The following TTLL5 variants were observed in gnomAD, a reference collection of about 807,000 sequenced individuals.
TTLL5 encodes the protein tubulin polyglutamylase TTLL5.
In TTLL5, 132 loss-of-function variants were observed where a neutral mutation model predicts 168.4. The ratio of observed to expected loss-of-function variants is 0.78; its 90% CI spans 0.68 to 0.91. The LOEUF (loss-of-function observed/expected upper bound fraction) is 0.91. TTLL5 is among the 40% of genes least tolerant of loss of function. The pLI is 0.00. For synonymous variants in TTLL5, 546 were observed against 558.6 expected, an observed-to-expected ratio of 0.98 and a Z score of 0.32; for missense variants, 1,545 against 1,581.5, an observed-to-expected ratio of 0.98 and a Z score of 0.39.
In TTLL5 at chr14:75,775,508, C is replaced by T. The variant is rs2079169117; in HGVS notation, c.2161C>T (p.Arg721Ter). 1.9e-6 allele frequency: 3 copies of T among 1,613,832 alleles called. No homozygotes were observed. Among genetic ancestry groups the T allele is most frequent in the Non-Finnish European group, 2.5e-6 (3 of 1,179,914 alleles). Residue 721 changes from arginine to a stop codon, truncating the protein, a stop_gained, in exon 22 of 32, where the codon CGA becomes TGA. Transcript: ENST00000298832. LOFTEE classifies it high-confidence loss of function. ...GGAGCTGGTTGTTCGTTTCCTCAAG[C>T]GAGCATCAAATAACCTCCAGCATTC... The part of the protein sequence containing the change: ...QMELVVRFLK[R>*]ASNNLQHSLR...
intron 28 of TTLL5, among the ~76,000 whole-genome samples, chr14:75,824,172 G>A (rs1193139811): frequency 1.3e-5 from 2 of 152,172 alleles, no homozygotes; most frequent in Admixed American, 6.6e-5. Flanking sequence ...AAATAAAACA[G>A]AATGGTTCCC....
At chr14:75,953,830 A>C (rs1056561110) in intron 31 of TTLL5, among the ~76,000 whole-genome samples, 14 of 152,194 alleles carry the variant, frequency 9.2e-5, no homozygotes, top group African/African-American at 3.4e-4. Context: ...AGCATTTTTT[A>C]ATTTGAAAAG....
At chr14:75,685,209 C>A (rs923892498) in intron 5 of TTLL5, among the ~76,000 whole-genome samples, 2 of 151,504 alleles carry the variant, frequency 1.3e-5, no homozygotes, top group African/African-American at 4.9e-5. Context: ...ATGGCAAAAC[C>A]CCGGCTCTAA....
intron 31 of TTLL5, among the ~76,000 whole-genome samples, chr14:75,921,923 C>T (rs2033839372): frequency 1.3e-5 from 2 of 152,184 alleles, no homozygotes; most frequent in African/African-American, 2.4e-5. Context: ...TTGTAGTTCT[C>T]CTCGAAGAGG....
chr14:75,716,073 A>G (rs532636155), intron 9 of TTLL5, among the ~76,000 whole-genome samples: 2 of 152,324 alleles, frequency 1.3e-5, no homozygotes, highest in African/African-American at 4.8e-5. Flanking sequence ...TGAGGCAGGC[A>G]GCCAGCACGG....
At chr14:75,794,992 A>G (rs573235161) in intron 27 of TTLL5, among the ~76,000 whole-genome samples, 2 of 152,064 alleles carry the variant, frequency 1.3e-5, no homozygotes, top group Non-Finnish European at 2.9e-5. Flanking sequence ...AGTTCACCCC[A>G]CTGTTCTCCT....
intron 9 of TTLL5, chr14:75,710,099 TAG>T (rs1457236146): frequency 6.6e-6 from 1 of 152,126 alleles, no homozygotes; most frequent in Non-Finnish European, 1.5e-5. Context: ...ACTTTGGGAA[TAG>T]AGAAAAGAGA....
chr14:75,887,487 T>G (rs1454470089), intron 30 of TTLL5, among the ~76,000 whole-genome samples: 2 of 152,202 alleles, frequency 1.3e-5, no homozygotes, highest in Non-Finnish European at 2.9e-5. Flanking sequence ...CTATAACATA[T>G]TCATCCTTAA....
At position 75,717,876 on chromosome 14, in the gene TTLL5, A is replaced by G. The variant is rs374729551; in HGVS notation, c.756A>G (p.Arg252=). The change falls in exon 10 of 32, where the codon CGA becomes CGG. Residue 252 remains arginine, a synonymous_variant. Coordinates refer to ENST00000298832, the MANE Select transcript of TTLL5 (RefSeq NM_015072.5). ...CTTCTATCAGGTTTGCAACTGTGCG[A>G]TATGATCAAGGAGCCAAGAACATTC... The part of the protein sequence containing the change: ...EEGLARFATV[R]YDQGAKNIRN... The G allele has an allele frequency of 1.2e-4, 201 of 1,613,678 alleles. No homozygotes were observed. Among genetic ancestry groups the G allele is most frequent in the Non-Finnish European group, 1.6e-4 (183 of 1,179,890 alleles).
At chr14:75,808,864 G>A (rs1450405197) in intron 27 of TTLL5, among the ~76,000 whole-genome samples, 1 of 151,888 alleles carries the variant, frequency 6.6e-6, no homozygotes, top group African/African-American at 2.4e-5. Context: ...GGGCTCAAGT[G>A]ATCCTCCTGC....
At chr14:75,666,609 A>G (rs977082117) in intron 2 of TTLL5, among the ~76,000 whole-genome samples, 5 of 152,216 alleles carry the variant, frequency 3.3e-5, no homozygotes, top group Non-Finnish European at 7.4e-5. Flanking sequence ...AATGGGCTGA[A>G]GGAGCTGGGG....
chr14:75,778,476 G>A (rs1032318954), intron 23 of TTLL5, among the ~76,000 whole-genome samples: 11 of 152,196 alleles, frequency 7.2e-5, no homozygotes, highest in Admixed American at 1.3e-4. Flanking sequence ...ACAGGCAAAG[G>A]TTTGCACCCT....
At chr14:75,914,646 C>T (rs1445741405) in intron 31 of TTLL5, among the ~76,000 whole-genome samples, 4 of 112,826 alleles carry the variant, frequency 3.5e-5, no homozygotes, top group East Asian at 5.4e-4. Context: ...TTTTTTGAGA[C>T]GGAGTCTTGC....
chr14:75,821,787 C>CT (rs1393182909), intron 28 of TTLL5, among the ~76,000 whole-genome samples: 1 of 152,160 alleles, frequency 6.6e-6, no homozygotes, highest in African/African-American at 2.4e-5. Context: ...TGCGATAATG[C>CT]TCATGGTGCA....
chr14:75,853,166 C>G (rs1045753451), intron 28 of TTLL5, among the ~76,000 whole-genome samples: 2 of 152,170 alleles, frequency 1.3e-5, no homozygotes, highest in African/African-American at 4.8e-5. Context: ...TTCTTTCTGC[C>G]CTTCATCCAC....
chr14:75,668,242 A>G (rs1210889345), intron 2 of TTLL5, among the ~76,000 whole-genome samples: 1 of 152,232 alleles, frequency 6.6e-6, no homozygotes, highest in East Asian at 1.9e-4. Flanking sequence ...AATTCAAGGT[A>G]TCCAATATAT....
At chr14:75,843,815 T>C (rs1896385978) in intron 28 of TTLL5, among the ~76,000 whole-genome samples, 2 of 152,102 alleles carry the variant, frequency 1.3e-5, no homozygotes, top group Admixed American at 1.3e-4. Context: ...TTAGAAGTCA[T>C]CTTTGGGATG....
At chr14:75,865,376 G>A (rs2030429824) in intron 29 of TTLL5, among the ~76,000 whole-genome samples, 2 of 152,044 alleles carry the variant, frequency 1.3e-5, no homozygotes, top group African/African-American at 4.8e-5. Context: ...CTGGATAGTG[G>A]AAGTATCACT....
chr14:75,775,481 T>C lies in TTLL5; in HGVS notation c.2137-3T>C. 1 of 1,613,584 alleles carries C rather than the reference T, an allele frequency of 6.2e-7. No homozygotes were observed. The highest frequency in any genetic ancestry group is 8.5e-7 in the Non-Finnish European group (1 of 1,179,776). On this transcript the variant is annotated splice_region_variant and splice_polypyrimidine_tract_variant and intron_variant, in intron 21 of 31. Transcript: ENST00000298832. ...TTTTCTCCCACGACTCTTTAATTTA[T>C]AGGAGCTGGTTGTTCGTTTCCTCAA...
Sources: gnomAD v4.1 joint callset for allele counts (sites outside exome capture counted in the v4.1 genomes callset) on GRCh38, gnomAD v4.1.1 for gene constraint, MANE v1.5 for transcripts, NCBI Gene and HGNC (gene_info 2026-07-23, HGNC 2026-07-21) for gene names.